The following REXO1 variants were observed in gnomAD, a reference collection of about 807,000 sequenced individuals.
REXO1 encodes RNA exonuclease 1 homolog.
In REXO1, 42 loss-of-function variants were observed where a neutral mutation model predicts 102.6. That is an observed-to-expected ratio of 0.41 (90% CI 0.32 to 0.53). The LOEUF is 0.53. Among genes scored for constraint, REXO1 ranks in the 20% least tolerant of loss-of-function variants. The pLI is 0.27. For missense variants in REXO1, 1,819 were observed against 1,732.5 expected, an observed-to-expected ratio of 1.05 and a Z score of -0.89; for synonymous variants, 908 against 779.1, an observed-to-expected ratio of 1.17 and a Z score of -2.76.
rs530532894 is a variant in REXO1 at position 1,839,989 on chromosome 19, C to T, written c.157+8213G>A. Among the ~76,000 whole-genome samples, 6 of 152,336 alleles carry T rather than the reference C, an allele frequency of 3.9e-5. No individual in the cohort carries two copies. The East Asian group carries it at 1.2e-3, about 29-fold the overall frequency. ...CTGGCTCCCTTTTGGTCTCTGAGGG[C>T]CTCTGAGCCACTGTGAGAGGAGGAG... On this transcript the variant is annotated intron_variant, in intron 1 of 15. Transcript: ENST00000170168.
intron 1 of REXO1, chr19:1,835,020 G>C (rs1357222957): frequency 2.4e-6 from 1 of 411,490 alleles, no homozygotes; most frequent in Non-Finnish European, 5.0e-6. Flanking sequence ...CACACAGGAA[G>C]TTGCCTGGGG....
At position 1,816,531 on chromosome 19, in the gene REXO1, C is replaced by T. The variant is rs2069368527; in HGVS notation, c.3356G>A (p.Ser1119Asn). 1 of 1,607,030 alleles carries T rather than the reference C, an allele frequency of 6.2e-7. No homozygotes were observed. The highest frequency in any genetic ancestry group is 8.5e-7 in the Non-Finnish European group (1 of 1,177,476). Residue 1119 changes from serine (S) to asparagine (N), a missense_variant, in exon 14 of 16, where the codon AGT becomes AAT. By Grantham distance (46) the Ser-to-Asn change is conservative. Coordinates refer to ENST00000170168, the MANE Select transcript of REXO1 (RefSeq NM_020695.4). ...GVTEADLADTSVTLRDVQAVL... is the reference protein window; with the variant it reads ...GVTEADLADTNVTLRDVQAVL... ...GGCCTGGACGTCACGCAGCGTGACACTTGTGTCGGCAAGGTCAGCCTCCGT... is the reference window on the plus strand; with the variant it reads ...GGCCTGGACGTCACGCAGCGTGACATTTGTGTCGGCAAGGTCAGCCTCCGT...
chr19:1,816,724 G>C lies in REXO1; in HGVS notation c.3291C>G (p.Asp1097Glu). 6.2e-7 allele frequency: 1 copy of C among 1,612,928 alleles called. No homozygotes were observed. The highest frequency in any genetic ancestry group is 8.5e-7 in the Non-Finnish European group (1 of 1,179,894). Reference protein sequence around the residue: ...HVVYDTFVKPDNEIVDYNTRF... With the variant: ...HVVYDTFVKPENEIVDYNTRF... ...TGGTGTTGTAGTCCACGATCTCGTT[G>C]TCAGGCTTCACGAAGGTGTCATAAA... The change falls in exon 13 of 16, where the codon GAC becomes GAG. Residue 1097 changes from aspartate (D) to glutamate (E), a missense_variant. Coordinates refer to ENST00000170168, the MANE Select transcript of REXO1 (RefSeq NM_020695.4).
chr19:1,834,972 C>T, intron 1 of REXO1: 1 of 439,090 alleles, frequency 2.3e-6, no homozygotes, highest in Non-Finnish European at 4.6e-6. Flanking sequence ...TGGAAGGCAG[C>T]ATCCTGGCCT....
chr19:1,841,795 G>A (rs1321992610), intron 1 of REXO1, among the ~76,000 whole-genome samples: 1 of 152,146 alleles, frequency 6.6e-6, no homozygotes, highest in Admixed American at 6.5e-5. Flanking sequence ...TGTCCCCGCT[G>A]ACCCCAGCCC....
chr19:1,818,680 T>C, intron 9 of REXO1, 26 bp downstream of exon 9: 1 of 1,610,076 alleles, frequency 6.2e-7, no homozygotes, highest in Non-Finnish European at 8.5e-7. Context: ...CCTGCCCACC[T>C]AGGCCGTCGC....
chr19:1,842,296 G>A (rs1293494983), intron 1 of REXO1, among the ~76,000 whole-genome samples: 1 of 151,864 alleles, frequency 6.6e-6, no homozygotes. Flanking sequence ...CTCATCCTCA[G>A]GACTACTGCC....
At chr19:1,848,167 G>A (rs981448052) in intron 1 of REXO1, 35 bp downstream of exon 1, 10 of 1,103,554 alleles carry the variant, frequency 9.1e-6, no homozygotes, top group Non-Finnish European at 1.0e-5. Context: ...GGGCAGGGGA[G>A]CCGAGCCCAA....
Position 1,827,270 on chromosome 19 carries a change from C to T in REXO1, c.1519G>A (p.Asp507Asn), listed in dbSNP as rs1205276498. The T allele has an allele frequency of 1.3e-6, 2 of 1,561,544 alleles. No individual in the cohort carries two copies. Among genetic ancestry groups the T allele is most frequent in the Non-Finnish European group, 1.7e-6 (2 of 1,160,460 alleles). The change falls in exon 2 of 16, where the codon GAC (aspartate) becomes AAC (asparagine). Residue 507 changes from aspartate to asparagine, a missense_variant. Coordinates refer to ENST00000170168, the MANE Select transcript of REXO1 (RefSeq NM_020695.4). ...ARSLDEGASQ[D>N]APKLKKRALS... Reference sequence around the variant, plus strand: ...GCCCGCTTCTTCAGCTTGGGGGCGTCCTGGGAGGCGCCCTCGTCTAGTGAG... The same window carrying T: ...GCCCGCTTCTTCAGCTTGGGGGCGTTCTGGGAGGCGCCCTCGTCTAGTGAG...
At chr19:1,828,694 C>T (rs769290439) in intron 1 of REXO1, 63 bp from the exon 2 acceptor site, 6 of 1,495,942 alleles carry the variant, frequency 4.0e-6, no homozygotes, top group Admixed American at 4.3e-5. Context: ...AGCATGGGGG[C>T]GGCCCCGGTC....
rs777470274 is a variant in REXO1, at chr19:1,816,466, C to T, written c.3421G>A (p.Gly1141Arg). The change falls in exon 14 of 16, where the codon GGA (glycine) becomes AGA (arginine). Residue 1141 changes from glycine (G) to arginine (R), a missense_variant. Gly to Arg is a moderately radical substitution (Grantham distance 125, BLOSUM62 -2). Coordinates refer to ENST00000170168, the MANE Select transcript of REXO1 (RefSeq NM_020695.4). Reference sequence around the variant, plus strand: ...AGGAGGTCGCTCTCCAGGCTGTGTCCGATGAGGATGGTGTCAGCGCTGAAC... The same window carrying T: ...AGGAGGTCGCTCTCCAGGCTGTGTCTGATGAGGATGGTGTCAGCGCTGAAC... ...SMFSADTILI[G>R]HSLESDLLAL... 1 of 1,612,420 alleles carries T rather than the reference C, an allele frequency of 6.2e-7. No homozygotes were observed. The highest frequency in any genetic ancestry group is 8.5e-7 in the Non-Finnish European group (1 of 1,179,698).
At chr19:1,836,603 G>C (rs961769660) in intron 1 of REXO1, among the ~76,000 whole-genome samples, 1 of 152,114 alleles carries the variant, frequency 6.6e-6, no homozygotes, top group Non-Finnish European at 1.5e-5. Context: ...CAAATTAGCC[G>C]GGCGTGGCGG....
In REXO1 at chr19:1,816,234, G is replaced by A; in HGVS notation, c.3568C>T (p.Gln1190Ter). Residue 1190 changes from glutamine (Q) to a stop codon, truncating the protein, a stop_gained, in exon 15 of 16, where the codon CAG (glutamine) becomes TAG (stop). Transcript: ENST00000170168. LOFTEE classifies it high-confidence loss of function. The stretch of plus-strand genomic sequence containing the variant: ...AGGCACCGGCACTCACCATTGTCCT[G>A]GATGATCTGTCTGAGGTAGTCGGCC... ...LMADYLRQII[Q>*]DNVDGHSSSE... 6.3e-7 allele frequency: 1 copy of A among 1,586,002 alleles called. No homozygotes were observed. Among genetic ancestry groups the A allele is most frequent in the Non-Finnish European group, 8.6e-7 (1 of 1,166,136 alleles).
At position 1,826,605 on chromosome 19, in the gene REXO1, C is replaced by A. The variant is rs2069731312; in HGVS notation, c.1911+273G>T. Reference sequence around the variant, plus strand: ...GGTGGGCCAATATCCCCCTGCCAGTCAGTGGGAACAGACCGTGTGCACGTG... The same window carrying A: ...GGTGGGCCAATATCCCCCTGCCAGTAAGTGGGAACAGACCGTGTGCACGTG... On this transcript the variant is annotated intron_variant, in intron 2 of 15. Coordinates refer to ENST00000170168, the MANE Select transcript of REXO1 (RefSeq NM_020695.4). This position sits in a 1 kb window ranked among gnomAD's most constrained non-coding sequence, Gnocchi z 4.3. 6.6e-6 allele frequency among the ~76,000 whole-genome samples: 1 copy of A among 151,924 alleles called. No individual in the cohort carries two copies. The highest frequency in any genetic ancestry group is 1.5e-5 in the Non-Finnish European group (1 of 67,960).
rs754789138 is a variant in REXO1 at position 1,826,848 on chromosome 19, G to A, written c.1911+30C>T. ...CAGGCCCTCGGCTCTGCCTCTGCCC[G>A]AGCCCAGCCCCAGCACCCGCGCGCC... On this transcript the variant is annotated intron_variant, in intron 2 of 15. Transcript: ENST00000170168. The surrounding 1 kb of genome is among the most constrained non-coding windows in gnomAD (Gnocchi z 4.3). 5.8e-6 allele frequency: 9 copies of A among 1,553,642 alleles called. No individual in the cohort carries two copies. Among genetic ancestry groups the A allele is most frequent in the Middle Eastern group, 2.3e-4 (1 of 4,376 alleles).
intron 1 of REXO1, among the ~76,000 whole-genome samples, chr19:1,842,494 G>A (rs2011330425): frequency 6.6e-6 from 1 of 152,258 alleles, no homozygotes; most frequent in African/African-American, 2.4e-5. Flanking sequence ...GAAGACCTAA[G>A]CAAAGAATCC....
chr19:1,816,854 G>A (rs373621215), intron 12 of REXO1, 41 bp from the exon 13 acceptor site: 21 of 1,468,746 alleles, frequency 1.4e-5, no homozygotes, highest in African/African-American at 2.8e-5. Flanking sequence ...CCCAGGCACC[G>A]GCCTCCCTCC....
chr19:1,820,149 C>T, intron 6 of REXO1, 92 bp from the exon 7 acceptor site: 1 of 1,557,582 alleles, frequency 6.4e-7, no homozygotes, highest in Non-Finnish European at 8.7e-7. Context: ...GGACTTGCAT[C>T]TCTCCCAGGC....
intron 1 of REXO1, among the ~76,000 whole-genome samples, chr19:1,843,299 C>G (rs1407371881): frequency 1.3e-5 from 2 of 151,962 alleles, no homozygotes; most frequent in African/African-American, 2.4e-5. Context: ...AGAGCCACAG[C>G]TGGGCAAAGC....
Sources: gnomAD v4.1 joint callset for allele counts (sites outside exome capture counted in the v4.1 genomes callset) on GRCh38, gnomAD v4.1.1 for gene constraint, Gnocchi (gnomAD v3.1) non-coding constraint, MANE v1.5 for transcripts, NCBI Gene and HGNC (gene_info 2026-07-23, HGNC 2026-07-21) for gene names.